The following NOS1 variants were observed in gnomAD, a reference collection of about 807,000 sequenced individuals.
NOS1 encodes NOS type I.
NOS1 carries 51 observed loss-of-function variants against 164.5 expected under a neutral mutation model. The observed-to-expected ratio is 0.31, with a 90% CI of 0.25 to 0.39. NOS1 has a LOEUF of 0.39. Among genes scored for constraint, NOS1 ranks in the 10% least tolerant of loss-of-function variants. The pLI is 1.00. For synonymous variants in NOS1, 719 were observed against 745.8 expected (o/e 0.96, Z 0.59); for missense variants, 1,362 against 1,885.6 (o/e 0.72, Z 5.14).
At chr12:117,291,324 C>A (rs1873038972) in intron 3 of NOS1, among the ~76,000 whole-genome samples, 1 of 152,090 alleles carries the variant, frequency 6.6e-6, no homozygotes, top group Non-Finnish European at 1.5e-5. Context: ...TTGTTCCTGC[C>A]TCAGGGCCTT....
In NOS1 at chr12:117,288,238, T is replaced by C. The variant is rs1872834302; in HGVS notation, c.982-19A>G. On this transcript the variant is annotated intron_variant, in intron 4 of 28. Transcript: ENST00000317775. Reference sequence around the variant, plus strand: ...CCGTTTCCTGGAAGATCAAGAGATTTGGGGTATTGCTTGGTTTTACCCAAG... The same window carrying C: ...CCGTTTCCTGGAAGATCAAGAGATTCGGGGTATTGCTTGGTTTTACCCAAG... 9 of 1,605,142 alleles carry C rather than the reference T, an allele frequency of 5.6e-6. No homozygotes were observed. In the East Asian group the frequency reaches 2.0e-4, roughly 36 times the overall value.
chr12:117,302,669 T>G (rs1194296522), intron 3 of NOS1, among the ~76,000 whole-genome samples: 2 of 151,602 alleles, frequency 1.3e-5, no homozygotes, highest in Non-Finnish European at 1.5e-5. Flanking sequence ...CTGGCCTCAG[T>G]GCTGTGGGCT....
intron 20 of NOS1, among the ~76,000 whole-genome samples, chr12:117,237,820 G>A (rs887485832): frequency 6.6e-6 from 1 of 152,182 alleles, no homozygotes; most frequent in African/African-American, 2.4e-5. Flanking sequence ...TGAGAGAGGG[G>A]AAGGACAGCA....
chr12:117,243,199 C>G lies in NOS1; in HGVS notation c.2962+98G>C. On this transcript the variant is annotated intron_variant, in intron 19 of 28. Transcript: ENST00000317775. This position sits in a 1 kb window ranked among gnomAD's most constrained non-coding sequence, Gnocchi z 4.3. ...GGACTGCACTAAAGGGAGATCAAAG[C>G]AATGAAGCCCATCTTCTCTAAGCAC... The G allele has an allele frequency of 1.4e-6, 2 of 1,457,304 alleles. No individual in the cohort carries two copies. The highest frequency in any genetic ancestry group is 1.9e-6 in the Non-Finnish European group (2 of 1,064,496). The allele number at this position is 1,457,304 out of a possible 1,614,324, so 90.3% of individuals were successfully genotyped here.
In NOS1 at chr12:117,214,363, T is replaced by C; in HGVS notation, c.*946A>G. ...AGTGGCAAAGTGGGAAGATCCTTAT[T>C]GCCACCAGGCTTCTTTGAACAACAT... On this transcript the variant is annotated 3_prime_UTR_variant, in exon 29 of 29. Transcript: ENST00000317775. 1.0e-6 allele frequency: 1 copy of C among 985,320 alleles called. No homozygotes were observed. Among genetic ancestry groups the C allele is most frequent in the Non-Finnish European group, 1.2e-6 (1 of 829,934 alleles). The allele number at this position is 985,320 out of a possible 1,614,324, so 61.0% of individuals were successfully genotyped here.
chr12:117,330,466 T>A lies in NOS1; in HGVS notation c.604A>T (p.Asn202Tyr), dbSNP rs769060820. The A allele has an allele frequency of 6.2e-7, 1 of 1,614,188 alleles. No individual in the cohort carries two copies. Among genetic ancestry groups the A allele is most frequent in the South Asian group, 1.1e-5 (1 of 91,082 alleles). ...TCTATCTCCTTGAGCAGTTCATTGT[T>A]CTCCCCTCTGCCTTGGAGGCTGACT... ...TRVSLQGRGENNELLKEIEPV... is the reference protein window; with the variant it reads ...TRVSLQGRGEYNELLKEIEPV... Residue 202 changes from asparagine to tyrosine, a missense_variant, in exon 2 of 29, where the codon AAC becomes TAC. Transcript: ENST00000317775. The surrounding 1 kb of genome is among the most constrained non-coding windows in gnomAD (Gnocchi z 4.6).
At chr12:117,306,804 G>A (rs755448532) in intron 3 of NOS1, among the ~76,000 whole-genome samples, 2 of 152,100 alleles carry the variant, frequency 1.3e-5, no homozygotes, top group African/African-American at 2.4e-5. Context: ...ATTTTTAGTA[G>A]AGATGGAGTT....
chr12:117,226,549 G>C (rs748939150), intron 24 of NOS1, 134 bp downstream of exon 24: 3 of 703,348 alleles, frequency 4.3e-6, no homozygotes, highest in Admixed American at 2.2e-5. Context: ...TAAGAGAGAC[G>C]CAGGACATTG....
chr12:117,297,223 G>T (rs554379188), intron 3 of NOS1, among the ~76,000 whole-genome samples: 1 of 152,280 alleles, frequency 6.6e-6, no homozygotes, highest in South Asian at 2.1e-4. Context: ...TGAGGAGGAT[G>T]GTGCAATGAG....
intron 11 of NOS1, among the ~76,000 whole-genome samples, chr12:117,266,095 G>A (rs1314142781): frequency 4.6e-5 from 7 of 151,886 alleles, no homozygotes; most frequent in African/African-American, 7.3e-5. Flanking sequence ...CACCGTGCCC[G>A]GCCTTTTTCT....
intron 22 of NOS1, 34 bp downstream of exon 22, chr12:117,231,928 G>GC (rs1869268925): frequency 6.3e-7 from 1 of 1,587,148 alleles, no homozygotes; most frequent in African/African-American, 1.3e-5. Flanking sequence ...GGTGAAATGC[G>GC]CCCCCTAGGG....
chr12:117,265,287 T>C (rs775233352), intron 12 of NOS1, 29 bp downstream of exon 12: 1 of 1,503,932 alleles, frequency 6.6e-7, no homozygotes, highest in Non-Finnish European at 8.9e-7. Flanking sequence ...GGACACTTAA[T>C]ATGAAAAGAG....
At chr12:117,360,518 G>C (rs1379894007) in intron 1 of NOS1, among the ~76,000 whole-genome samples, 1 of 152,232 alleles carries the variant, frequency 6.6e-6, no homozygotes, top group Non-Finnish European at 1.5e-5. Flanking sequence ...TTTTGGAGAC[G>C]GCGCTCTTAC....
rs574130551 is a variant in NOS1 at position 117,289,475 on chromosome 12, A to G, written c.981+823T>C. Among the ~76,000 whole-genome samples the G allele has an allele frequency of 3.0e-4, 45 of 152,342 alleles. 1 individual carries two copies. The South Asian group carries it at 3.5e-3, about 12-fold the overall frequency. ...AGTCAGAGACAGGTTTATTTTAAAGAATAAACCTGAGAGGGGCTTCTGGCC... is the reference window on the plus strand; with the variant it reads ...AGTCAGAGACAGGTTTATTTTAAAGGATAAACCTGAGAGGGGCTTCTGGCC... On this transcript the variant is annotated intron_variant, in intron 4 of 28. Transcript: ENST00000317775.
rs1419564335 is a variant in NOS1, at chr12:117,209,751, T to A, written c.*5558A>T. 2.0e-6 allele frequency: 2 copies of A among 985,366 alleles called. No individual in the cohort carries two copies. The highest frequency in any genetic ancestry group is 2.4e-6 in the Non-Finnish European group (2 of 829,976). The allele number at this position is 985,366 out of a possible 1,614,324, so 61.0% of individuals were successfully genotyped here. ...TGAAAGTGTACCTGGGTCCTTACAT[T>A]TGGGGAAGGGCAGCTTTTCTTTTGG... On this transcript the variant is annotated 3_prime_UTR_variant, in exon 29 of 29. Coordinates refer to ENST00000317775, the MANE Select transcript of NOS1 (RefSeq NM_000620.5).
chr12:117,231,301 G>A (rs1288811072), intron 22 of NOS1, among the ~76,000 whole-genome samples: 2 of 151,492 alleles, frequency 1.3e-5, no homozygotes, highest in African/African-American at 2.4e-5. Flanking sequence ...CTGGGCTAGA[G>A]AGTGAGACTC....
chr12:117,315,615 T>C (rs533973003), intron 2 of NOS1, among the ~76,000 whole-genome samples: 2 of 152,350 alleles, frequency 1.3e-5, no homozygotes, highest in East Asian at 3.9e-4. Flanking sequence ...ATCTGGCTTA[T>C]TGCCACAAGT....
chr12:117,242,522 A>C, intron 20 of NOS1, 105 bp downstream of exon 20: 1 of 940,944 alleles, frequency 1.1e-6, no homozygotes, highest in Non-Finnish European at 1.8e-6. Flanking sequence ...GCACTTTGCA[A>C]TGATTGGAGA....
chr12:117,288,211 T>A lies in NOS1; in HGVS notation c.990A>T (p.Gly330=), dbSNP rs1250550605. 6.2e-7 allele frequency: 1 copy of A among 1,612,076 alleles called. No individual in the cohort carries two copies. The highest frequency in any genetic ancestry group is 8.5e-7 in the Non-Finnish European group (1 of 1,179,318). ...TLHLKSTLET[G]CTEYICMGSI... The stretch of plus-strand genomic sequence containing the variant: ...AGCCCATGCAGATGTACTCAGTGCA[T>A]CCCGTTTCCTGGAAGATCAAGAGAT... The change falls in exon 5 of 29, where the codon GGA becomes GGT. Residue 330 remains glycine, a synonymous_variant. Coordinates refer to ENST00000317775, the MANE Select transcript of NOS1 (RefSeq NM_000620.5).
Sources: gnomAD v4.1 joint callset for allele counts (sites outside exome capture counted in the v4.1 genomes callset) on GRCh38, gnomAD v4.1.1 for gene constraint, Gnocchi (gnomAD v3.1) non-coding constraint, MANE v1.5 for transcripts, NCBI Gene and HGNC (gene_info 2026-07-23, HGNC 2026-07-21) for gene names.